The following GRHL2 variants were observed in gnomAD, a reference collection of about 807,000 sequenced individuals.
The protein encoded by GRHL2 is grainyhead like transcription factor 2.
In GRHL2, 21 loss-of-function variants were observed where a neutral mutation model predicts 83.8. The observed-to-expected ratio is 0.25, with a 90% CI of 0.18 to 0.36. GRHL2 has a LOEUF of 0.36. GRHL2 is among the 10% of genes least tolerant of loss of function. The pLI, the probability that GRHL2 is intolerant of heterozygous loss-of-function variation, is 1.00. For missense variants in GRHL2, 623 were observed against 781.8 expected, an observed-to-expected ratio of 0.80 and a Z score of 2.42; for synonymous variants, 280 against 278.9, an observed-to-expected ratio of 1.00 and a Z score of -0.04.
chr8:101,619,883 A>ATT lies in GRHL2; in HGVS notation c.1257+203_1257+204dup, dbSNP rs11373924. Among the ~76,000 whole-genome samples, 135 of 129,340 alleles carry ATT rather than the reference A, an allele frequency of 1.0e-3. 1 individual carries two copies. Among genetic ancestry groups the ATT allele is most frequent in the South Asian group, 4.8e-3 (19 of 3,964 alleles). 84.9% of individuals were successfully genotyped at this position (129,340 alleles called of 152,430 possible). ...ATATCTAGGAAGTCTTCAGTCAACT[A>ATT]TTTTTTTTTTTTTTTTTTAGTTTAT... On this transcript the variant is annotated intron_variant, in intron 9 of 15. Coordinates refer to ENST00000646743, the MANE Select transcript of GRHL2 (RefSeq NM_024915.4).
chr8:101,496,489 G>T (rs1586391248), intron 1 of GRHL2, among the ~76,000 whole-genome samples: 2 of 152,036 alleles, frequency 1.3e-5, no homozygotes, highest in East Asian at 3.8e-4. Flanking sequence ...AATATGCCTT[G>T]AATGCCACTA....
intron 11 of GRHL2, 31 bp downstream of exon 11, chr8:101,632,396 A>C: frequency 6.2e-7 from 1 of 1,613,426 alleles, no homozygotes; most frequent in Non-Finnish European, 8.5e-7. Flanking sequence ...CCCACCTCCC[A>C]TCCATCCACA....
intron 13 of GRHL2, among the ~76,000 whole-genome samples, chr8:101,646,086 C>T (rs1365438978): frequency 3.9e-5 from 6 of 152,000 alleles, no homozygotes; most frequent in African/African-American, 9.7e-5. Context: ...AGGCTGGTCT[C>T]GAACTCCTGA....
chr8:101,585,289 C>A (rs1291045358), intron 7 of GRHL2, among the ~76,000 whole-genome samples: 1 of 152,240 alleles, frequency 6.6e-6, no homozygotes, highest in Non-Finnish European at 1.5e-5. Flanking sequence ...GTCTTCCCTC[C>A]TTTAAAAATA....
At chr8:101,506,835 C>CAAAAAAA (rs10688299) in intron 1 of GRHL2, among the ~76,000 whole-genome samples, 2 of 147,112 alleles carry the variant, frequency 1.4e-5, no homozygotes, top group Non-Finnish European at 3.0e-5. Flanking sequence ...ATTTGCAAGG[C>CAAAAAAA]AAAAAAAAAA....
intron 13 of GRHL2, among the ~76,000 whole-genome samples, chr8:101,644,826 A>G (rs1032983765): frequency 1.3e-4 from 19 of 150,272 alleles, no homozygotes; most frequent in African/African-American, 4.7e-4. Context: ...GCTTCTATAG[A>G]CCCAAGACCT....
chr8:101,613,150 C>A (rs1355554503), intron 8 of GRHL2, among the ~76,000 whole-genome samples: 2 of 150,758 alleles, frequency 1.3e-5, no homozygotes, highest in Non-Finnish European at 2.9e-5. Flanking sequence ...GAGCACACAG[C>A]AGGCAGCGAA....
intron 1 of GRHL2, among the ~76,000 whole-genome samples, chr8:101,499,303 C>T (rs147484960): frequency 2.3e-3 from 345 of 152,286 alleles, no homozygotes; most frequent in African/African-American, 7.9e-3. Context: ...ACATACGTTT[C>T]TGGTTAAAAA....
chr8:101,521,792 A>T (rs1276133800), intron 1 of GRHL2, among the ~76,000 whole-genome samples: 1 of 152,216 alleles, frequency 6.6e-6, no homozygotes, highest in Non-Finnish European at 1.5e-5. Context: ...AAAAAGTTTT[A>T]AAAATGTAAT....
At chr8:101,591,096 A>T (rs565800970) in intron 7 of GRHL2, among the ~76,000 whole-genome samples, 235 of 152,344 alleles carry the variant, frequency 1.5e-3, no homozygotes, top group Non-Finnish European at 3.1e-3. Context: ...GTCTGAATTT[A>T]AAAACCTATT....
At position 101,619,521 on chromosome 8, in the gene GRHL2, T is replaced by G. The variant is rs1473080183; in HGVS notation, c.1099-18T>G. ...TTTTTATGTTGACTTGTGAACTTTT[T>G]CTTTCTCTTTCCCTCAGATTTTCAT... On this transcript the variant is annotated intron_variant, in intron 8 of 15. Coordinates refer to ENST00000646743, the MANE Select transcript of GRHL2 (RefSeq NM_024915.4). The G allele has an allele frequency of 1.2e-6, 2 of 1,613,202 alleles. No homozygotes were observed. Among genetic ancestry groups the G allele is most frequent in the East Asian group, 4.5e-5 (2 of 44,810 alleles).
chr8:101,601,861 A>G (rs771531086), intron 8 of GRHL2, among the ~76,000 whole-genome samples: 4 of 152,212 alleles, frequency 2.6e-5, no homozygotes, highest in Non-Finnish European at 4.4e-5. Flanking sequence ...TTGCATAGGT[A>G]TATGTGTGCC....
chr8:101,647,079 C>T (rs1448859602), intron 13 of GRHL2, among the ~76,000 whole-genome samples: 1 of 152,208 alleles, frequency 6.6e-6, no homozygotes, highest in Non-Finnish European at 1.5e-5. Context: ...GGAAGCAGTA[C>T]TCATAATAGA....
At chr8:101,643,273 C>T (rs1161248877) in intron 12 of GRHL2, among the ~76,000 whole-genome samples, 2 of 148,212 alleles carry the variant, frequency 1.3e-5, no homozygotes, top group African/African-American at 5.0e-5. Context: ...TAAAAACCTG[C>T]ATCTGTTCCC....
intron 1 of GRHL2, chr8:101,529,383 A>G (rs1386837413): frequency 1.8e-5 from 3 of 165,658 alleles, no homozygotes; most frequent in South Asian, 1.5e-4. Flanking sequence ...TGGTGAGCCA[A>G]GATTGAACCA....
At chr8:101,574,609 G>C (rs1811895834) in intron 6 of GRHL2, among the ~76,000 whole-genome samples, 1 of 152,192 alleles carries the variant, frequency 6.6e-6, no homozygotes, top group African/African-American at 2.4e-5. Context: ...CTTAAGAAGG[G>C]GGCACATGGT....
intron 3 of GRHL2, among the ~76,000 whole-genome samples, chr8:101,556,118 T>C (rs1811484311): frequency 6.6e-6 from 1 of 152,152 alleles, no homozygotes; most frequent in South Asian, 2.1e-4. Flanking sequence ...CCACCACGCC[T>C]GGCTAATTTT....
At chr8:101,566,728 ACT>A (rs1348480888) in intron 4 of GRHL2, among the ~76,000 whole-genome samples, 1 of 151,580 alleles carries the variant, frequency 6.6e-6, no homozygotes, top group Non-Finnish European at 1.5e-5. Context: ...GAAACATTGC[ACT>A]CTGTTAGGAA....
intron 1 of GRHL2, among the ~76,000 whole-genome samples, chr8:101,498,871 C>T (rs912588131): frequency 9.2e-5 from 14 of 151,956 alleles, no homozygotes; most frequent in Admixed American, 8.5e-4. Flanking sequence ...GTCAGGAGAT[C>T]GAGACCATCC....
Sources: gnomAD v4.1 joint callset for allele counts (sites outside exome capture counted in the v4.1 genomes callset) on GRCh38, gnomAD v4.1.1 for gene constraint, MANE v1.5 for transcripts, NCBI Gene and HGNC (gene_info 2026-07-23, HGNC 2026-07-21) for gene names.